Variants in IQSEC1 observed in about 807,000 individuals in gnomAD.
IQSEC1 encodes the protein IQ motif and SEC7 domain-containing protein 1.
Under a neutral mutation model 91.0 loss-of-function variants are expected in IQSEC1, and 31 were observed. The ratio of observed to expected loss-of-function variants is 0.34; its 90% confidence interval spans 0.26 to 0.46. The LOEUF (loss-of-function observed/expected upper bound fraction) is 0.46, where lower values mean the gene tolerates loss of function less well. Among genes scored for constraint, IQSEC1 ranks in the 20% least tolerant of loss-of-function variants. The pLI, the probability that IQSEC1 is intolerant of heterozygous loss-of-function variation, is 1.00. For missense variants in IQSEC1, 1,388 were observed against 1,575.6 expected (o/e 0.88, Z 2.02); for synonymous variants, 699 against 662.6 (o/e 1.05, Z -0.84).
chr3:13,245,299 T>G (rs2125108254), intron 1 of IQSEC1, among the ~76,000 whole-genome samples: 1 of 152,264 alleles, frequency 6.6e-6, no homozygotes, highest in East Asian at 1.9e-4. Context: ...GATGCAGTGT[T>G]AGGGCTCTAA....
intron 3 of IQSEC1, among the ~76,000 whole-genome samples, chr3:12,933,984 G>A (rs2125291515): frequency 6.6e-6 from 1 of 152,310 alleles, no homozygotes; most frequent in Middle Eastern, 3.4e-3. Flanking sequence ...ACTCTGCAGG[G>A]ACCCCTGGTT....
intron 1 of IQSEC1, among the ~76,000 whole-genome samples, chr3:12,980,240 A>G (rs1176587124): frequency 6.6e-6 from 1 of 152,222 alleles, no homozygotes; most frequent in Admixed American, 6.5e-5. Flanking sequence ...CAGGCCACTC[A>G]GCTGGTGGTG....
At chr3:12,980,220 G>A (rs1163398179) in intron 1 of IQSEC1, among the ~76,000 whole-genome samples, 2 of 152,176 alleles carry the variant, frequency 1.3e-5, no homozygotes, top group Non-Finnish European at 2.9e-5. Flanking sequence ...GGGGTTAAAT[G>A]ACTCACCTCC....
At chr3:13,055,149 G>C (rs1704830093) in intron 1 of IQSEC1, among the ~76,000 whole-genome samples, 1 of 152,236 alleles carries the variant, frequency 6.6e-6, no homozygotes, top group South Asian at 2.1e-4. Context: ...CCCGGGGTTG[G>C]CCTGCACACC....
rs549652325 is a variant in IQSEC1 at position 13,261,794 on chromosome 3, C to T, written c.272+20917G>A. On this transcript the variant is annotated intron_variant, in intron 1 of 15. Transcript: ENST00000648114. ...GAAATTCACACAGCTCAGTTCCTTC[C>T]ATAATTTATGGCACTCAATGCTACA... 2.2e-4 allele frequency among the ~76,000 whole-genome samples: 34 copies of T among 152,316 alleles called. 1 individual carries two copies. The South Asian group carries it at 6.0e-3, about 27-fold the overall frequency.
intron 2 of IQSEC1, among the ~76,000 whole-genome samples, chr3:13,136,516 C>T (rs1404342901): frequency 6.6e-6 from 1 of 152,060 alleles, no homozygotes; most frequent in Non-Finnish European, 1.5e-5. Flanking sequence ...AGCAAGGAGA[C>T]ACCTGGAATA....
Position 12,994,258 on chromosome 3 carries a change from C to T in IQSEC1, c.24-52393G>A, listed in dbSNP as rs1453610897. Among the ~76,000 whole-genome samples the T allele has an allele frequency of 6.6e-6, 1 of 150,946 alleles. No homozygotes were observed. The highest frequency in any genetic ancestry group is 1.5e-5 in the Non-Finnish European group (1 of 67,592). On this transcript the variant is annotated intron_variant, in intron 1 of 13. Transcript: ENST00000613206. The surrounding 1 kb of genome is among the most constrained non-coding windows in gnomAD (Gnocchi z 4.5). ...GCCTCCCCGCGCGCCGCCCTCCTGC[C>T]CGCCCCACCGCCCGTGCGCCGTGAC...
At chr3:13,239,589 C>T (rs1001946240) in intron 1 of IQSEC1, among the ~76,000 whole-genome samples, 13 of 152,246 alleles carry the variant, frequency 8.5e-5, no homozygotes, top group Admixed American at 4.6e-4. Flanking sequence ...CCCCTTGGGA[C>T]GCAGCAAGGA....
intron 2 of IQSEC1, among the ~76,000 whole-genome samples, chr3:13,114,683 C>T (rs6442349): frequency 0.028 from 4,196 of 151,332 alleles, 189 homozygotes; most frequent in African/African-American, 0.094. Flanking sequence ...ATCCCAGCTA[C>T]TCAGGAGGCT....
intron 12 of IQSEC1, among the ~76,000 whole-genome samples, chr3:12,903,652 C>T (rs576652157): frequency 2.4e-4 from 36 of 152,316 alleles, no homozygotes; most frequent in African/African-American, 8.7e-4. Context: ...CCAGGCCCGG[C>T]CTGGCCCCGC....
intron 2 of IQSEC1, among the ~76,000 whole-genome samples, chr3:13,110,027 T>C (rs1419998746): frequency 1.3e-5 from 2 of 151,310 alleles, no homozygotes; most frequent in Non-Finnish European, 2.9e-5. Context: ...AGATTACAGA[T>C]GGGCACCACC....
At chr3:12,906,542 TTCC>T (rs1695004971) in intron 12 of IQSEC1, among the ~76,000 whole-genome samples, 1 of 152,208 alleles carries the variant, frequency 6.6e-6, no homozygotes, top group African/African-American at 2.4e-5. Flanking sequence ...CTGAGATCTG[TTCC>T]TCCTTTTGTT....
Position 13,217,431 on chromosome 3 carries a change from G to A in IQSEC1, c.273-53298C>T, listed in dbSNP as rs1412546414. ...ATGACATAGGGTGCACCAGCAGATC[G>A]TTCCTTTTCAGGGCTGAGTAGTAGT... On this transcript the variant is annotated intron_variant, in intron 1 of 15. Coordinates refer to the IQSEC1 transcript ENST00000648114. Among the ~76,000 whole-genome samples, 6 of 152,154 alleles carry A rather than the reference G, an allele frequency of 3.9e-5. 1 individual carries two copies. Among genetic ancestry groups the A allele is most frequent in the African/African-American group, 1.2e-4 (5 of 41,410 alleles).
intron 1 of IQSEC1, among the ~76,000 whole-genome samples, chr3:12,949,006 G>A (rs1699363632): frequency 6.6e-6 from 1 of 152,236 alleles, no homozygotes; most frequent in Non-Finnish European, 1.5e-5. Flanking sequence ...GGTACAAGAT[G>A]CCGTGGTGGG....
At chr3:13,136,047 C>T (rs1013880847) in intron 2 of IQSEC1, among the ~76,000 whole-genome samples, 1 of 152,242 alleles carries the variant, frequency 6.6e-6, no homozygotes, top group Admixed American at 6.5e-5. Context: ...GCTTGCATGT[C>T]CTGGCCATGG....
intron 2 of IQSEC1, among the ~76,000 whole-genome samples, chr3:13,150,227 G>T (rs1706970934): frequency 6.6e-6 from 1 of 152,192 alleles, no homozygotes; most frequent in Non-Finnish European, 1.5e-5. Flanking sequence ...CTCCAAAACT[G>T]CAGGCTGCAT....
At chr3:12,976,006 G>A (rs983917922) in intron 1 of IQSEC1, among the ~76,000 whole-genome samples, 11 of 152,214 alleles carry the variant, frequency 7.2e-5, no homozygotes, top group Non-Finnish European at 1.3e-4. Context: ...TATAGCCTTG[G>A]GCGTCACTTC....
At chr3:13,140,583 C>A (rs1220201149) in intron 2 of IQSEC1, among the ~76,000 whole-genome samples, 2 of 152,212 alleles carry the variant, frequency 1.3e-5, no homozygotes, top group South Asian at 2.1e-4. Context: ...ATGGAGAAGT[C>A]ATCAACGTGG....
chr3:13,132,980 G>A (rs919247330), intron 2 of IQSEC1, among the ~76,000 whole-genome samples: 2 of 152,236 alleles, frequency 1.3e-5, no homozygotes, highest in East Asian at 1.9e-4. Context: ...ATAAGAAAAT[G>A]AGACATATTT....
Sources: allele counts gnomAD v4.1 joint callset (sites outside exome capture counted in the v4.1 genomes callset), GRCh38; gene constraint gnomAD v4.1.1; non-coding constraint Gnocchi (gnomAD v3.1); transcripts MANE v1.5; gene names NCBI Gene and HGNC (gene_info 2026-07-23, HGNC 2026-07-21).